The following RCBTB2 variants were observed in gnomAD, a reference collection of about 807,000 sequenced individuals.
RCBTB2 encodes the protein RCC1 and BTB domain-containing protein 2.
RCBTB2 carries 55 observed loss-of-function variants against 65.4 expected under a neutral mutation model. That is an observed-to-expected ratio of 0.84 (90% CI 0.68 to 1.05). The LOEUF is 1.05. Ranked by LOEUF, RCBTB2 falls within the 50% of genes least tolerant of loss-of-function variation. The pLI, the probability that RCBTB2 is intolerant of heterozygous loss-of-function variation, is 0.00. For missense variants in RCBTB2, 599 were observed against 680.1 expected (o/e 0.88, Z 1.33); for synonymous variants, 220 against 255.2 (o/e 0.86, Z 1.31).
chr13:48,510,535 G>C, intron 10 of RCBTB2, 94 bp downstream of exon 10: 2 of 1,324,006 alleles, frequency 1.5e-6, no homozygotes, highest in Non-Finnish European at 2.1e-6. Context: ...TCTAACACTA[G>C]CAGTACATTC....
intron 4 of RCBTB2, among the ~76,000 whole-genome samples, chr13:48,519,501 C>T (rs889755556): frequency 4.6e-5 from 7 of 152,136 alleles, no homozygotes; most frequent in Admixed American, 3.9e-4. Flanking sequence ...TGTATAAAAA[C>T]CTATGGTACC....
rs763014129 is a variant in RCBTB2, at chr13:48,502,769, C to T, written c.1072G>A (p.Ala358Thr). The change falls in exon 11 of 15, where the codon GCC (alanine) becomes ACC (threonine). Residue 358 changes from alanine to threonine, a missense_variant. Coordinates refer to ENST00000344532, the MANE Select transcript of RCBTB2 (RefSeq NM_001268.4). The part of the protein sequence containing the change: ...THFSCTDDVF[A>T]CFATPAVTWR... ...GTGACGGCGGGCGTGGCAAAGCAGGCAAACACGTCGTCAGTGCAGGAGAAG... is the reference window on the plus strand; with the variant it reads ...GTGACGGCGGGCGTGGCAAAGCAGGTAAACACGTCGTCAGTGCAGGAGAAG... 3 of 1,613,504 alleles carry T rather than the reference C, an allele frequency of 1.9e-6. No homozygotes were observed. The highest frequency in any genetic ancestry group is 3.3e-5 in the Admixed American group (2 of 59,958).
chr13:48,533,337 G>C, upstream of RCBTB2: 1 of 300,520 alleles, frequency 3.3e-6, no homozygotes, highest in South Asian at 2.5e-5. Flanking sequence ...GCTTTTCCAG[G>C]GAGTTCCTCC....
At chr13:48,503,056 AC>A in intron 10 of RCBTB2, 142 bp from the exon 11 acceptor site, 1 of 858,780 alleles carries the variant, frequency 1.2e-6, no homozygotes, top group Non-Finnish European at 1.7e-6. Context: ...AACAAAACAA[AC>A]CACCACATGA....
intron 1 of RCBTB2, among the ~76,000 whole-genome samples, chr13:48,531,277 AT>A (rs1271833660): frequency 6.6e-6 from 1 of 152,254 alleles, no homozygotes; most frequent in African/African-American, 2.4e-5. Flanking sequence ...CAGTAAAAAA[AT>A]ATCTCTGGAG....
chr13:48,495,571 T>C (rs1949931879), intron 14 of RCBTB2, among the ~76,000 whole-genome samples: 1 of 152,318 alleles, frequency 6.6e-6, no homozygotes, highest in Non-Finnish European at 1.5e-5. Context: ...CATGATTAAT[T>C]CCTCAAGATA....
intron 10 of RCBTB2, among the ~76,000 whole-genome samples, chr13:48,503,455 G>C (rs1245292992): frequency 6.6e-6 from 1 of 151,768 alleles, no homozygotes; most frequent in Non-Finnish European, 1.5e-5. Context: ...GTATGACCTG[G>C]AGCCCAGGAG....
intron 14 of RCBTB2, among the ~76,000 whole-genome samples, 168 bp from the exon 15 acceptor site, chr13:48,490,419 G>A (rs1236280471): frequency 6.6e-6 from 1 of 152,228 alleles, no homozygotes; most frequent in Non-Finnish European, 1.5e-5. Flanking sequence ...AGTATAACAA[G>A]TATGAATCAT....
At chr13:48,519,215 T>C (rs908849759) in intron 4 of RCBTB2, among the ~76,000 whole-genome samples, 6 of 152,296 alleles carry the variant, frequency 3.9e-5, no homozygotes, top group African/African-American at 1.4e-4. Flanking sequence ...GACCTAGTGT[T>C]TGCTTGCATC....
intron 4 of RCBTB2, among the ~76,000 whole-genome samples, chr13:48,519,092 C>G (rs893207170): frequency 6.6e-5 from 10 of 152,266 alleles, no homozygotes; most frequent in African/African-American, 2.4e-4. Flanking sequence ...ACTAAGTAAT[C>G]TTTCAAGATC....
intron 2 of RCBTB2, among the ~76,000 whole-genome samples, chr13:48,523,181 C>T (rs1252337830): frequency 1.3e-5 from 2 of 152,174 alleles, no homozygotes; most frequent in African/African-American, 4.8e-5. Flanking sequence ...TTAATACTTA[C>T]TACATATTAT....
Position 48,490,170 on chromosome 13 carries a change from G to C in RCBTB2, c.1597C>G (p.His533Asp). ...CTGATAAAGTTCTTCAGGAGATCATGGTCCATTTCTGCAAAACCTGATGTT... is the reference window on the plus strand; with the variant it reads ...CTGATAAAGTTCTTCAGGAGATCATCGTCCATTTCTGCAAAACCTGATGTT... ...TQTSGFAEMD[H>D]DLLKNFISKA... Residue 533 changes from histidine to aspartate, a missense_variant, in exon 15 of 15, where the codon CAT (histidine) becomes GAT (aspartate). His to Asp is a moderately conservative substitution (Grantham distance 81). Transcript: ENST00000344532. 6.2e-7 allele frequency: 1 copy of C among 1,614,012 alleles called. No homozygotes were observed. Among genetic ancestry groups the C allele is most frequent in the South Asian group, 1.1e-5 (1 of 91,072 alleles).
In RCBTB2 at chr13:48,516,096, C is replaced by CAG. The variant is rs10567858; in HGVS notation, c.43-357_43-356dup. Among the ~76,000 whole-genome samples, 248 of 149,454 alleles carry CAG rather than the reference C, an allele frequency of 1.7e-3. 2 individuals carry two copies. In the South Asian group the frequency reaches 0.022, roughly 13 times the overall value. ...AGGCTGGTTGTAAAAGCAAGAGAGACAGAGAGAGAGAGAGAGAGAGAGAGC... is the reference window on the plus strand; with the variant it reads ...AGGCTGGTTGTAAAAGCAAGAGAGACAGAGAGAGAGAGAGAGAGAGAGAGAGC... On this transcript the variant is annotated intron_variant, in intron 4 of 14. Transcript: ENST00000344532.
chr13:48,529,890 T>C (rs1266849029), intron 1 of RCBTB2, among the ~76,000 whole-genome samples: 1 of 152,080 alleles, frequency 6.6e-6, no homozygotes, highest in Non-Finnish European at 1.5e-5. Context: ...TCTGTAGCAA[T>C]ATTTATTTAT....
At position 48,502,724 on chromosome 13, in the gene RCBTB2, C is replaced by T; in HGVS notation, c.1117G>A (p.Glu373Lys). ...CCCAAATGGACAGTGACCAGCTTAC[C>T]CACGGAGAGGAGGCGCCACGTGACG... The part of the protein sequence containing the change: ...PAVTWRLLSV[E>K]PDDHLTVAES... Residue 373 changes from glutamate (E) to lysine (K), a missense_variant and splice_region_variant, in exon 11 of 15, where the codon GAA becomes AAA. Glu to Lys is a moderately conservative substitution (Grantham distance 56, BLOSUM62 1). Transcript: ENST00000344532. The T allele has an allele frequency of 6.2e-7, 1 of 1,608,206 alleles. No individual in the cohort carries two copies.
intron 6 of RCBTB2, 30 bp downstream of exon 6, chr13:48,515,175 C>T (rs1951014098): frequency 6.3e-7 from 1 of 1,598,958 alleles, no homozygotes; most frequent in Non-Finnish European, 8.5e-7. Context: ...GCGAATAAAG[C>T]TGAAATTCTA....
intron 2 of RCBTB2, among the ~76,000 whole-genome samples, chr13:48,523,213 G>A (rs1377953426): frequency 6.6e-6 from 1 of 152,158 alleles, no homozygotes; most frequent in African/African-American, 2.4e-5. Flanking sequence ...TAGCAGATCT[G>A]TTAAAATCCT....
At chr13:48,502,984 C>A in intron 10 of RCBTB2, 70 bp from the exon 11 acceptor site, 1 of 1,411,428 alleles carries the variant, frequency 7.1e-7, no homozygotes, top group Non-Finnish European at 9.4e-7. Flanking sequence ...CTCCTCCCGC[C>A]AGGTTTAACT....
chr13:48,500,292 G>A (rs1593625712), intron 12 of RCBTB2, among the ~76,000 whole-genome samples: 1 of 152,168 alleles, frequency 6.6e-6, no homozygotes, highest in Admixed American at 6.5e-5. Flanking sequence ...GGGCGCGGTG[G>A]CTCACGCCTG....
Sources: allele counts gnomAD v4.1 joint callset (sites outside exome capture counted in the v4.1 genomes callset), GRCh38; gene constraint gnomAD v4.1.1; transcripts MANE v1.5; gene names NCBI Gene and HGNC (gene_info 2026-07-23, HGNC 2026-07-21).